The following LAMB2 variants were observed in gnomAD, a reference collection of about 807,000 sequenced individuals.
The protein encoded by LAMB2 is laminin subunit beta-2.
In LAMB2, 119 loss-of-function variants were observed where a neutral mutation model predicts 202.7. That is an observed-to-expected ratio of 0.59 (90% CI 0.51 to 0.68). The LOEUF (loss-of-function observed/expected upper bound fraction) is 0.68. LAMB2 is among the 30% of genes least tolerant of loss of function. LAMB2 has a pLI of 0.00. For missense variants in LAMB2, 2,124 were observed against 2,410.6 expected, an observed-to-expected ratio of 0.88 and a Z score of 2.49; for synonymous variants, 818 against 902.2, an observed-to-expected ratio of 0.91 and a Z score of 1.67.
Position 49,123,189 on chromosome 3 carries a change from T to C in LAMB2, c.4167A>G (p.Ala1389=). The C allele has an allele frequency of 6.2e-7, 1 of 1,613,920 alleles. No homozygotes were observed. The highest frequency in any genetic ancestry group is 8.5e-7 in the Non-Finnish European group (1 of 1,180,038). Residue 1389 remains alanine, a synonymous_variant, in exon 26 of 32, where the codon GCA becomes GCG. Coordinates refer to ENST00000305544, the MANE Select transcript of LAMB2 (RefSeq NM_002292.4). ...FNSKHMANQR[A]LGKLSAHTHT... ...GGGTATGGGCAGAGAGCTTGCCAAG[T>C]GCCCGCTGGTTGGCCATGTGTTTGC...
Position 49,125,345 on chromosome 3 carries a change from T to C in LAMB2, c.2628A>G (p.Pro876=), listed in dbSNP as rs752981299. 2.5e-6 allele frequency: 4 copies of C among 1,614,028 alleles called. No homozygotes were observed. The highest frequency in any genetic ancestry group is 3.4e-6 in the Non-Finnish European group (4 of 1,180,038). ...RGQWGFPSCR[P]CVCNGHADEC... is the part of the protein sequence containing the mutation. ...CATCTGCATGCCCATTGCAGACACA[T>C]GGCCGGCAGCTAGGGAATCCCCACT... Residue 876 remains proline, a synonymous_variant, in exon 19 of 32, where the codon CCA becomes CCG. Coordinates refer to ENST00000305544, the MANE Select transcript of LAMB2 (RefSeq NM_002292.4).
In LAMB2 at chr3:49,123,266, C is replaced by A; in HGVS notation, c.4090G>T (p.Ala1364Ser). ...ATCAGTGCCTCTGTCCGATGCCGAG[C>A]ACTTGCCGAGTTGCTCACAGGGCTA... ...VPSPVSNSASARHRTEALMDA... is the reference protein window; with the variant it reads ...VPSPVSNSASSRHRTEALMDA... The change falls in exon 26 of 32, where the codon GCT (alanine) becomes TCT (serine). Residue 1364 changes from alanine to serine, a missense_variant. Physicochemically the swap from Ala to Ser is moderately conservative, Grantham distance 99 (BLOSUM62 1). This residue lies in a region of LAMB2 where 1,702 missense variants were observed against 1,896.3 expected (regional missense o/e 0.90). Transcript: ENST00000305544. 3 of 1,614,088 alleles carry A rather than the reference C, an allele frequency of 1.9e-6. No individual in the cohort carries two copies. The highest frequency in any genetic ancestry group is 2.5e-6 in the Non-Finnish European group (3 of 1,180,042).
At chr3:49,127,478 A>G (rs894687149) in intron 15 of LAMB2, among the ~76,000 whole-genome samples, 18 of 152,224 alleles carry the variant, frequency 1.2e-4, no homozygotes, top group African/African-American at 4.3e-4. Flanking sequence ...GGTGGATCAC[A>G]AGGTCAGGAG....
At position 49,129,917 on chromosome 3, in the gene LAMB2, G is replaced by A. The variant is rs200732790; in HGVS notation, c.1327C>T (p.His443Tyr). The stretch of plus-strand genomic sequence containing the variant: ...TGCTGGCAGCGAGTGCCCACCACAT[G>A]TTCTTTGCAGCGACACTGGCCGGAG... ...LVSGQCRCKE[H>Y]VVGTRCQQCR... Residue 443 changes from histidine (H) to tyrosine (Y), a missense_variant, in exon 10 of 32, where the codon CAT (histidine) becomes TAT (tyrosine). Physicochemically the swap from His to Tyr is moderately conservative, Grantham distance 83 (BLOSUM62 2). Coordinates refer to ENST00000305544, the MANE Select transcript of LAMB2 (RefSeq NM_002292.4). The surrounding 1 kb of genome is among the most constrained non-coding windows in gnomAD (Gnocchi z 6.1). The A allele has an allele frequency of 5.9e-5, 95 of 1,614,062 alleles. 1 individual carries two copies. The East Asian group carries it at 1.2e-3, about 20-fold the overall frequency.
In LAMB2 at chr3:49,122,337, A is replaced by G. The variant is rs747861189; in HGVS notation, c.4607T>C (p.Val1536Ala). The change falls in exon 28 of 32, where the codon GTG (valine) becomes GCG (alanine). Residue 1536 changes from valine to alanine, a missense_variant. This residue lies in a region of LAMB2 where 1,702 missense variants were observed against 1,896.3 expected (regional missense o/e 0.90). Coordinates refer to ENST00000305544, the MANE Select transcript of LAMB2 (RefSeq NM_002292.4). Reference sequence around the variant, plus strand: ...GGAGAGCTCTAGCACCCGTGTGGCCACCATTTCAATGCTATCAGGATCAGC... The same window carrying G: ...GGAGAGCTCTAGCACCCGTGTGGCCGCCATTTCAATGCTATCAGGATCAGC... ...EGADPDSIEM[V>A]ATRVLELSIP... 1.2e-6 allele frequency: 2 copies of G among 1,613,444 alleles called. No individual in the cohort carries two copies. The highest frequency in any genetic ancestry group is 2.2e-5 in the East Asian group (1 of 44,886).
chr3:49,121,941 C>T lies in LAMB2; in HGVS notation c.4923+3G>A. On this transcript the variant is annotated splice_donor_region_variant and intron_variant, in intron 29 of 31. Transcript: ENST00000305544. ...TCCCACTGATGTCCTAGGAAGACCT[C>T]ACCTGGTACAGGGTCTGCTCTGTGT... The T allele has an allele frequency of 6.2e-7, 1 of 1,614,022 alleles. No individual in the cohort carries two copies. The highest frequency in any genetic ancestry group is 2.2e-5 in the East Asian group (1 of 44,886).
chr3:49,122,385 C>G lies in LAMB2; in HGVS notation c.4574-15G>C. ...AGCCCCCTCCTCTATAGGGACACAG[C>G]AAGAACTTAAGAACATAGATTCTCC... is the stretch of plus-strand genomic sequence containing the variant. On this transcript the variant is annotated splice_polypyrimidine_tract_variant and intron_variant, in intron 27 of 31. Coordinates refer to ENST00000305544, the MANE Select transcript of LAMB2 (RefSeq NM_002292.4). The G allele has an allele frequency of 6.2e-7, 1 of 1,610,600 alleles. No homozygotes were observed. Among genetic ancestry groups the G allele is most frequent in the Non-Finnish European group, 8.5e-7 (1 of 1,177,796 alleles).
chr3:49,124,428 G>A lies in LAMB2; in HGVS notation c.3294C>T (p.His1098=), dbSNP rs376981766. Residue 1098 remains histidine (H), a synonymous_variant, in exon 22 of 32, where the codon CAC becomes CAT. Transcript: ENST00000305544. ...AGGTGGGGCCTCTGGCCCGGCTTGGGTGGCAGGCACAAGGCTGGCAACCAT... is the reference window on the plus strand; with the variant it reads ...AGGTGGGGCCTCTGGCCCGGCTTGGATGGCAGGCACAAGGCTGGCAACCAT... The part of the protein sequence containing the change: ...SGHGCQPCAC[H]PSRARGPTCN... The A allele has an allele frequency of 1.7e-5, 27 of 1,613,542 alleles. No individual in the cohort carries two copies. The highest frequency in any genetic ancestry group is 2.3e-5 in the Non-Finnish European group (27 of 1,179,950).
At position 49,121,440 on chromosome 3, in the gene LAMB2, C is replaced by G; in HGVS notation, c.5253G>C (p.Arg1751=). The change falls in exon 31 of 32, where the codon CGG becomes CGC. Residue 1751 remains arginine (R), a synonymous_variant. Coordinates refer to ENST00000305544, the MANE Select transcript of LAMB2 (RefSeq NM_002292.4). The stretch of plus-strand genomic sequence containing the variant: ...TGGTGCCCCATTTCTTACCCTGTAG[C>G]CGCTGCAGCTTGTCCTGAGCGGCTT... The part of the protein sequence containing the change: ...LLQAAQDKLQ[R]LQELEGTYEE... The G allele has an allele frequency of 6.2e-7, 1 of 1,614,106 alleles. No individual in the cohort carries two copies. Among genetic ancestry groups the G allele is most frequent in the Admixed American group, 1.7e-5 (1 of 60,034 alleles).
chr3:49,124,704 G>A lies in LAMB2; in HGVS notation c.3106C>T (p.His1036Tyr). The change falls in exon 21 of 32, where the codon CAC becomes TAC. Residue 1036 changes from histidine to tyrosine, a missense_variant. By Grantham distance (83) the His-to-Tyr change is moderately conservative. This residue lies in a region of LAMB2 where 1,702 missense variants were observed against 1,896.3 expected (regional missense o/e 0.90). Coordinates refer to ENST00000305544, the MANE Select transcript of LAMB2 (RefSeq NM_002292.4). ...FHGQAARQSCHRCTCNLLGTN... is the reference protein window; with the variant it reads ...FHGQAARQSCYRCTCNLLGTN... ...GCCCTCCCACACTCATACTCACGGTGACAGCTCTGTCGGGCAGCCTGCCCA... is the reference window on the plus strand; with the variant it reads ...GCCCTCCCACACTCATACTCACGGTAACAGCTCTGTCGGGCAGCCTGCCCA... 2 of 1,614,142 alleles carry A rather than the reference G, an allele frequency of 1.2e-6. No individual in the cohort carries two copies. The highest frequency in any genetic ancestry group is 1.7e-6 in the Non-Finnish European group (2 of 1,180,014).
chr3:49,129,708 A>G lies in LAMB2; in HGVS notation c.1414T>C (p.Cys472Arg), dbSNP rs746963326. 1.9e-6 allele frequency: 3 copies of G among 1,613,898 alleles called. No homozygotes were observed. Among genetic ancestry groups the G allele is most frequent in the Non-Finnish European group, 2.5e-6 (3 of 1,179,800 alleles). The change falls in exon 11 of 32, where the codon TGT (cysteine) becomes CGT (arginine). Residue 472 changes from cysteine to arginine, a missense_variant. Transcript: ENST00000305544. The surrounding 1 kb of genome is among the most constrained non-coding windows in gnomAD (Gnocchi z 6.1). Reference sequence around the variant, plus strand: ...CCAGGCACTGTGCCCCGTGCATTACATTGACATCCTGCAGGGAAGGAGAAC... The same window carrying G: ...CCAGGCACTGTGCCCCGTGCATTACGTTGACATCCTGCAGGGAAGGAGAAC... ...SDRLGCRRCQ[C>R]NARGTVPGST... is the part of the protein sequence containing the mutation.
In LAMB2 at chr3:49,121,780, C is replaced by T. The variant is rs750238693; in HGVS notation, c.5004G>A (p.Glu1668=). ...TTCCTGCCCGTTTCAATTTCAGAGC[C>T]TCCAGGAGAGCATCCAACTGCCGAG... ...ERARQLDALL[E]ALKLKRAGNS... The change falls in exon 30 of 32, where the codon GAG becomes GAA. Residue 1668 remains glutamate (E), a synonymous_variant. Transcript: ENST00000305544. The T allele has an allele frequency of 6.2e-7, 1 of 1,613,538 alleles. No homozygotes were observed. Among genetic ancestry groups the T allele is most frequent in the South Asian group, 1.1e-5 (1 of 91,082 alleles).
chr3:49,121,667 G>C lies in LAMB2; in HGVS notation c.5100+17C>G. 2 of 1,614,022 alleles carry C rather than the reference G, an allele frequency of 1.2e-6. No homozygotes were observed. Among genetic ancestry groups the C allele is most frequent in the South Asian group, 1.1e-5 (1 of 91,086 alleles). On this transcript the variant is annotated intron_variant, in intron 30 of 31. Transcript: ENST00000305544. The stretch of plus-strand genomic sequence containing the variant: ...CTTCCACCCCTACCTTCTCCAGCTG[G>C]CTCTGCCTCAACCCACCTGCTCAGC...
Position 49,131,255 on chromosome 3 carries a change from A to C in LAMB2, c.713-103T>G. The C allele has an allele frequency of 6.8e-7, 1 of 1,461,478 alleles. No individual in the cohort carries two copies. The highest frequency in any genetic ancestry group is 9.5e-7 in the Non-Finnish European group (1 of 1,053,182). The allele number at this position is 1,461,478 out of a possible 1,614,324, so 90.5% of individuals were successfully genotyped here. On this transcript the variant is annotated intron_variant, in intron 6 of 31. Transcript: ENST00000305544. The surrounding 1 kb of genome is among the most constrained non-coding windows in gnomAD (Gnocchi z 5.0). ...GGTCACCTTGAAAGACCTCCTATAC[A>C]CTGCCACCCGAGCTAAACTGGGCTT...
At position 49,123,556 on chromosome 3, in the gene LAMB2, G is replaced by A. The variant is rs932022168; in HGVS notation, c.3873C>T (p.Phe1291=). Residue 1291 remains phenylalanine, a synonymous_variant, in exon 25 of 32, where the codon TTC becomes TTT. Transcript: ENST00000305544. The stretch of plus-strand genomic sequence containing the variant: ...GACCACTTAGTGCATGGTTGGCATT[G>A]AAGTTCTCATCTTGCACATCTGTCA... The part of the protein sequence containing the change: ...ADLTDVQDEN[F]NANHALSGLE... 2 of 1,614,188 alleles carry A rather than the reference G, an allele frequency of 1.2e-6. No homozygotes were observed. Among genetic ancestry groups the A allele is most frequent in the African/African-American group, 1.3e-5 (1 of 75,062 alleles).
Position 49,126,099 on chromosome 3 carries a change from G to C in LAMB2, c.2212C>G (p.Leu738Val). ...EMFSGGDAAALERQATFERYQ... is the reference protein window; with the variant it reads ...EMFSGGDAAAVERQATFERYQ... Reference sequence around the variant, plus strand: ...CGTTCAAAGGTGGCCTGGCGCTCCAGGGCAGCAGCATCACCCCCACTAAAC... The same window carrying C: ...CGTTCAAAGGTGGCCTGGCGCTCCACGGCAGCAGCATCACCCCCACTAAAC... The change falls in exon 17 of 32, where the codon CTG becomes GTG. Residue 738 changes from leucine (L) to valine (V), a missense_variant. Physicochemically the swap from Leu to Val is conservative, Grantham distance 32. Around this residue, in one of 3 missense-constraint regions of LAMB2, gnomAD observed 1,702 missense variants for 1,896.3 expected, o/e 0.90. Transcript: ENST00000305544. The C allele has an allele frequency of 6.2e-7, 1 of 1,613,882 alleles. No individual in the cohort carries two copies.
intron 15 of LAMB2, 79 bp downstream of exon 15, chr3:49,128,379 C>T: frequency 4.5e-6 from 7 of 1,546,764 alleles, no homozygotes; most frequent in Non-Finnish European, 6.1e-6. Flanking sequence ...GCTGTGGGGT[C>T]TTCCAGGTGC....
At position 49,130,185 on chromosome 3, in the gene LAMB2, T is replaced by C; in HGVS notation, c.1225+46A>G. 2 of 1,608,824 alleles carry C rather than the reference T, an allele frequency of 1.2e-6. No homozygotes were observed. The highest frequency in any genetic ancestry group is 4.5e-5 in the East Asian group (2 of 44,648). ...GACAGCAGTCCAGCTCTCTAGTTCC[T>C]GCCCCAGGCTCAGCTTTCTCTCCCC... On this transcript the variant is annotated intron_variant, in intron 9 of 31. Transcript: ENST00000305544. This position sits in a 1 kb window ranked among gnomAD's most constrained non-coding sequence, Gnocchi z 5.0.
Position 49,123,756 on chromosome 3 carries a change from G to A in LAMB2, c.3769C>T (p.Gln1257Ter). 1 of 1,613,470 alleles carries A rather than the reference G, an allele frequency of 6.2e-7. No homozygotes were observed. ...AGCTCCTCTGTGGCCTCCACAAGCT[G>A]TGCAGTGGAGGCGGCTGAGGTGTTG... ...ARNTSAASTA[Q>*]LVEATEELRR... The change falls in exon 24 of 32, where the codon CAG (glutamine) becomes TAG (stop). Residue 1257 changes from glutamine (Q) to a stop codon, truncating the protein, a stop_gained. Coordinates refer to ENST00000305544, the MANE Select transcript of LAMB2 (RefSeq NM_002292.4). LOFTEE classifies it high-confidence loss of function.
Sources: gnomAD v4.1 joint callset for allele counts (sites outside exome capture counted in the v4.1 genomes callset) on GRCh38, gnomAD v4.1.1 for gene constraint, gnomAD v4.1.1 regional missense constraint, Gnocchi (gnomAD v3.1) non-coding constraint, MANE v1.5 for transcripts, NCBI Gene and HGNC (gene_info 2026-07-23, HGNC 2026-07-21) for gene names.